The following GPC5 variants were observed in gnomAD, a reference collection of about 807,000 sequenced individuals.
The protein encoded by GPC5 is glypican-5.
In GPC5, 47 loss-of-function variants were observed where a neutral mutation model predicts 53.9. The observed-to-expected ratio is 0.87, with a 90% confidence interval of 0.69 to 1.11. GPC5 has a LOEUF of 1.11. Ranked by LOEUF, GPC5 falls within the 50% of genes most tolerant of loss-of-function variation. The pLI is 0.00. For missense variants in GPC5, 748 were observed against 713.1 expected (o/e 1.05, Z -0.56); for synonymous variants, 286 against 263.3 (o/e 1.09, Z -0.84).
At chr13:91,447,329 C>CT (rs777903840) in intron 1 of GPC5, among the ~76,000 whole-genome samples, 1,386 of 137,350 alleles carry the variant, frequency 0.01, 35 homozygotes, top group East Asian at 0.098. Flanking sequence ...GAGAAGATAG[C>CT]TTTTTTTTTT....
chr13:91,758,253 T>A (rs2037336482), intron 5 of GPC5, among the ~76,000 whole-genome samples: 1 of 152,122 alleles, frequency 6.6e-6, no homozygotes, highest in Non-Finnish European at 1.5e-5. Flanking sequence ...TTTCTGCTTC[T>A]TAGATCTAGT....
At chr13:91,632,985 C>T (rs987488678) in intron 2 of GPC5, among the ~76,000 whole-genome samples, 9 of 151,996 alleles carry the variant, frequency 5.9e-5, no homozygotes, top group South Asian at 2.1e-4. Context: ...AGCATACCCT[C>T]GACTAAACCT....
intron 7 of GPC5, among the ~76,000 whole-genome samples, chr13:92,527,249 G>GAA (rs1281380893): frequency 0.022 from 702 of 32,396 alleles, 56 homozygotes; most frequent in African/African-American, 0.028. Flanking sequence ...AAGAAAGAAA[G>GAA]AGAAAGAAAG....
rs181313667 is a variant in GPC5, at chr13:91,638,360, T to G, written c.326-54827T>G. ...TTGATTTACAATAGACATTTCTTTC[T>G]TTTTCTTTTTTTTTTCTTTTTTTGA... is the stretch of plus-strand genomic sequence containing the variant. On this transcript the variant is annotated intron_variant, in intron 2 of 7. Coordinates refer to ENST00000377067, the MANE Select transcript of GPC5 (RefSeq NM_004466.6). Among the ~76,000 whole-genome samples the G allele has an allele frequency of 1.5e-4, 23 of 152,186 alleles. No individual in the cohort carries two copies. In the East Asian group the frequency reaches 4.2e-3, roughly 28 times the overall value.
chr13:91,909,400 T>C (rs1035444991), intron 6 of GPC5, among the ~76,000 whole-genome samples: 2 of 152,206 alleles, frequency 1.3e-5, no homozygotes, highest in Non-Finnish European at 2.9e-5. Context: ...ACAATCTCAC[T>C]GTGAGGACAC....
At chr13:91,621,761 T>TATATATA (rs11462875) in intron 2 of GPC5, among the ~76,000 whole-genome samples, 1,614 of 46,756 alleles carry the variant, frequency 0.035, 369 homozygotes, top group African/African-American at 0.067. Context: ...GGACAGAACA[T>TATATATA]TATATATATA....
At chr13:92,827,889 G>C (rs771367356) in intron 7 of GPC5, among the ~76,000 whole-genome samples, 1 of 152,068 alleles carries the variant, frequency 6.6e-6, no homozygotes. Flanking sequence ...GAGAAAAAGA[G>C]AAGAGTCCAA....
At chr13:91,612,158 G>T (rs2033571900) in intron 2 of GPC5, among the ~76,000 whole-genome samples, 3 of 152,260 alleles carry the variant, frequency 2.0e-5, no homozygotes, top group Middle Eastern at 6.8e-3. Flanking sequence ...GAGATAAATG[G>T]CAGTCTTGTT....
chr13:91,785,080 T>C (rs1441731365), intron 5 of GPC5, among the ~76,000 whole-genome samples: 1 of 152,240 alleles, frequency 6.6e-6, no homozygotes, highest in African/African-American at 2.4e-5. Flanking sequence ...TTGGTTGTGA[T>C]TCTTTCTCAC....
intron 7 of GPC5, among the ~76,000 whole-genome samples, chr13:92,391,202 T>A (rs1239520147): frequency 6.6e-6 from 1 of 152,124 alleles, no homozygotes; most frequent in African/African-American, 2.4e-5. Flanking sequence ...CATTTTACAT[T>A]AATATCATTA....
intron 7 of GPC5, among the ~76,000 whole-genome samples, chr13:92,800,827 A>T (rs1876874604): frequency 6.6e-6 from 1 of 151,840 alleles, no homozygotes; most frequent in African/African-American, 2.4e-5. Flanking sequence ...GTTGTTTGTT[A>T]CCTTGACGGA....
At chr13:92,023,406 T>C (rs58765681) in intron 6 of GPC5, among the ~76,000 whole-genome samples, 2,250 of 152,178 alleles carry the variant, frequency 0.015, 66 homozygotes, top group African/African-American at 0.052. Flanking sequence ...ATATACAAAA[T>C]TGCTTAAAAA....
At chr13:91,613,292 G>A (rs962134326) in intron 2 of GPC5, among the ~76,000 whole-genome samples, 15 of 152,186 alleles carry the variant, frequency 9.9e-5, no homozygotes, top group Non-Finnish European at 1.6e-4. Context: ...TGAAAGGCAT[G>A]TCTCACATGG....
At chr13:92,549,371 C>T (rs1387067917) in intron 7 of GPC5, among the ~76,000 whole-genome samples, 1 of 151,916 alleles carries the variant, frequency 6.6e-6, no homozygotes, top group African/African-American at 2.4e-5. Context: ...TCTTTATTTC[C>T]TCTTTTTAAA....
At chr13:92,341,872 A>G (rs2043369676) in intron 7 of GPC5, among the ~76,000 whole-genome samples, 1 of 152,156 alleles carries the variant, frequency 6.6e-6, no homozygotes. Context: ...CTTTACCAAT[A>G]AAAATGTCAA....
intron 7 of GPC5, among the ~76,000 whole-genome samples, chr13:92,213,533 T>C (rs1045282721): frequency 1.3e-5 from 2 of 152,184 alleles, no homozygotes; most frequent in African/African-American, 4.8e-5. Context: ...AATTTAAAAC[T>C]TCTGCCTTTG....
At position 92,467,943 on chromosome 13, in the gene GPC5, A is replaced by G. The variant is rs7984616; in HGVS notation, c.1561+322954A>G. ...GAGATATCCAGTAAAGGAGAGTTCA[A>G]TAAAAAAGAAGAAACAAGTTCCTGG... On this transcript the variant is annotated intron_variant, in intron 7 of 7. Coordinates refer to ENST00000377067, the MANE Select transcript of GPC5 (RefSeq NM_004466.6). Among the ~76,000 whole-genome samples the G allele has an allele frequency of 5.0e-3, 762 of 152,272 alleles. 6 individuals carry two copies. The highest frequency in any genetic ancestry group is 0.018 in the African/African-American group (729 of 41,572).
chr13:91,465,873 A>C (rs146699128), intron 2 of GPC5, among the ~76,000 whole-genome samples: 26 of 152,322 alleles, frequency 1.7e-4, no homozygotes, highest in Non-Finnish European at 2.8e-4. Flanking sequence ...AGTAGAAAGC[A>C]TAAATTTATT....
At chr13:92,019,427 T>A (rs1329160086) in intron 6 of GPC5, among the ~76,000 whole-genome samples, 1 of 152,098 alleles carries the variant, frequency 6.6e-6, no homozygotes, top group Non-Finnish European at 1.5e-5. Flanking sequence ...GTGTATATAA[T>A]TTGAAGGAAA....
Sources: gnomAD v4.1 joint callset for allele counts (sites outside exome capture counted in the v4.1 genomes callset) on GRCh38, gnomAD v4.1.1 for gene constraint, MANE v1.5 for transcripts, NCBI Gene and HGNC (gene_info 2026-07-23, HGNC 2026-07-21) for gene names.